Variants in POLK observed in about 807,000 individuals in gnomAD.
POLK encodes DNA polymerase kappa, also known as polymerase (DNA directed) kappa.
POLK carries 76 observed loss-of-function variants against 94.0 expected under a neutral mutation model. The observed-to-expected ratio is 0.81, with a 90% CI of 0.67 to 0.98. The LOEUF is 0.98. Ranked by LOEUF, POLK falls within the 50% of genes least tolerant of loss-of-function variation. The pLI is 0.00. For missense variants in POLK, 954 were observed against 1,010.1 expected, an observed-to-expected ratio of 0.94 and a Z score of 0.75; for synonymous variants, 349 against 325.4, an observed-to-expected ratio of 1.07 and a Z score of -0.78.
At chr5:75,554,735 C>A (rs1459483511) in intron 3 of POLK, among the ~76,000 whole-genome samples, 3 of 152,140 alleles carry the variant, frequency 2.0e-5, no homozygotes, top group Non-Finnish European at 4.4e-5. Context: ...TTAGCTCCCA[C>A]TTATAAGTGA....
intron 3 of POLK, 82 bp downstream of exon 3, chr5:75,552,673 AAAC>A: frequency 8.0e-7 from 1 of 1,256,586 alleles, no homozygotes; most frequent in Non-Finnish European, 1.1e-6. Context: ...TCATAACTGA[AAAC>A]AAGATGAAAT....
chr5:75,606,707 T>G, the POLK span, among the ~76,000 whole-genome samples: 6 of 151,888 alleles, frequency 4.0e-5, no homozygotes, highest in Non-Finnish European at 8.8e-5. Context: ...GAATTTTTCT[T>G]AGTACATAAC....
intron 3 of POLK, among the ~76,000 whole-genome samples, chr5:75,562,308 CTGTT>C (rs908193125): frequency 1.1e-4 from 16 of 152,144 alleles, no homozygotes; most frequent in African/African-American, 3.6e-4. Flanking sequence ...ATTTGGCTCT[CTGTT>C]TGTCTATTGG....
exon 1 of POLK, chr5:75,511,892 T>C (rs972931664): frequency 5.5e-6 from 8 of 1,443,984 alleles, no homozygotes; most frequent in Non-Finnish European, 7.5e-6. Flanking sequence ...CTGGGAGTTG[T>C]AGTCGCGATC....
rs1165736270 is a variant in POLK, at chr5:75,587,059, G to A, written c.1259+1G>A. 6.7e-7 allele frequency: 1 copy of A among 1,496,954 alleles called. No homozygotes were observed. The highest frequency in any genetic ancestry group is 2.3e-5 in the East Asian group (1 of 43,110). 92.7% of individuals were successfully genotyped at this position (1,496,954 alleles called of 1,614,324 possible). A position where few individuals can be genotyped will look rare whatever the true frequency, so the allele number is the denominator to read the frequency against. ...AGAGGAAAAGTATGAGCGTTGAGAG[G>A]TAATGTTTTATTATTTATTGTTAAT... On this transcript the variant is annotated splice_donor_variant, in intron 10 of 14. Coordinates refer to ENST00000241436, the Ensembl canonical transcript of POLK. LOFTEE classifies it high-confidence loss of function.
At chr5:75,528,498 TA>T (rs1368403331) in intron 1 of POLK, among the ~76,000 whole-genome samples, 1 of 152,196 alleles carries the variant, frequency 6.6e-6, no homozygotes, top group Admixed American at 6.5e-5. Context: ...ATCATTGGAA[TA>T]AACATTGATG....
chr5:75,558,813 C>G (rs1220875701), intron 3 of POLK, among the ~76,000 whole-genome samples: 1 of 152,070 alleles, frequency 6.6e-6, no homozygotes, highest in African/African-American at 2.4e-5. Context: ...TTTTATTGAT[C>G]TATAATCTAC....
rs1772653994 is a variant in POLK at position 75,589,452 on chromosome 5, T to C, written c.1260-892T>C. On this transcript the variant is annotated intron_variant, in intron 10 of 14. Transcript: ENST00000241436. ...ACACACACACACGTGGAATATTTCT[T>C]TTTTTTGTTTGTTTTTGAGAGGGAG... Among the ~76,000 whole-genome samples the C allele has an allele frequency of 2.1e-5, 3 of 142,454 alleles. No homozygotes were observed. In the South Asian group the frequency reaches 6.6e-4, roughly 31 times the overall value. The allele number at this position is 142,454 out of a possible 152,430, so 93.5% of individuals were successfully genotyped here.
chr5:75,558,611 G>A (rs745664436), intron 3 of POLK, among the ~76,000 whole-genome samples: 6 of 151,794 alleles, frequency 4.0e-5, no homozygotes, highest in Non-Finnish European at 5.9e-5. Flanking sequence ...GTTATTGAAC[G>A]GTAGGAATAT....
chr5:75,554,743 T>TG (rs1770516637), intron 3 of POLK, among the ~76,000 whole-genome samples: 1 of 152,168 alleles, frequency 6.6e-6, no homozygotes, highest in African/African-American at 2.4e-5. Flanking sequence ...CACTTATAAG[T>TG]GAGAACATGC....
At chr5:75,577,602 A>G (rs1302055207) in intron 6 of POLK, among the ~76,000 whole-genome samples, 1 of 152,184 alleles carries the variant, frequency 6.6e-6, no homozygotes, top group East Asian at 1.9e-4. Context: ...AACAAAGTTC[A>G]CCTGGATGAA....
chr5:75,535,368 C>T (rs1190526268), intron 1 of POLK, among the ~76,000 whole-genome samples: 1 of 152,164 alleles, frequency 6.6e-6, no homozygotes, highest in African/African-American at 2.4e-5. Context: ...CCTCCCTCTT[C>T]TTTCTAGCTG....
At chr5:75,548,115 T>C (rs1007933203) in intron 2 of POLK, among the ~76,000 whole-genome samples, 2 of 152,082 alleles carry the variant, frequency 1.3e-5, no homozygotes, top group Admixed American at 1.3e-4. Context: ...AGAGAGGCGG[T>C]CTCACTGTGT....
chr5:75,591,352 G>A (rs1772771698), intron 11 of POLK, among the ~76,000 whole-genome samples: 1 of 151,954 alleles, frequency 6.6e-6, no homozygotes, highest in African/African-American at 2.4e-5. Context: ...TACAAAGAGT[G>A]GAATATCTGA....
intron 11 of POLK, among the ~76,000 whole-genome samples, chr5:75,591,010 A>G (rs1006441265): frequency 1.3e-5 from 2 of 152,188 alleles, no homozygotes; most frequent in African/African-American, 4.8e-5. Context: ...GAGTCAGTAC[A>G]AAGCGTAATA....
intron 1 of POLK, among the ~76,000 whole-genome samples, chr5:75,542,630 T>C (rs572421182): frequency 2.0e-5 from 3 of 149,294 alleles, no homozygotes; most frequent in African/African-American, 7.3e-5. Context: ...TATATACACA[T>C]ATATACACAT....
At chr5:75,527,475 G>C (rs1768916080) in intron 1 of POLK, among the ~76,000 whole-genome samples, 2 of 141,046 alleles carry the variant, frequency 1.4e-5, no homozygotes, top group South Asian at 4.5e-4. Flanking sequence ...GTGAGACCCT[G>C]TCTCAAAAAA....
chr5:75,596,960 T>A (rs754169967), exon 13 of POLK: 9 of 1,613,718 alleles, frequency 5.6e-6, no homozygotes, highest in South Asian at 5.5e-5. Flanking sequence ...AACGAAGATG[T>A]TGGATCATTT....
chr5:75,526,699 A>G (rs1336127543), intron 1 of POLK, among the ~76,000 whole-genome samples: 1 of 148,908 alleles, frequency 6.7e-6, no homozygotes, highest in Non-Finnish European at 1.5e-5. Flanking sequence ...CTCGTGCCTT[A>G]GCCTCCTGAG....
Sources: gnomAD v4.1 joint callset for allele counts (sites outside exome capture counted in the v4.1 genomes callset) on GRCh38, gnomAD v4.1.1 for gene constraint, MANE v1.5 for transcripts, NCBI Gene and HGNC (gene_info 2026-07-23, HGNC 2026-07-21) for gene names.